CTNNA3: variants seen among roughly 807,000 people sequenced by gnomAD.
CTNNA3 encodes the protein catenin alpha-3.
In CTNNA3, 76 loss-of-function variants were observed where a neutral mutation model predicts 95.7. The ratio of observed to expected loss-of-function variants is 0.79; its 90% CI spans 0.66 to 0.96. CTNNA3 has a LOEUF of 0.96. Among genes scored for constraint, CTNNA3 ranks in the 40% least tolerant of loss-of-function variants. The probability of loss-of-function intolerance (pLI) is 0.00; values close to 1 mark genes in which losing one functional copy is unlikely to be tolerated. For synonymous variants in CTNNA3, 431 were observed against 374.4 expected (o/e 1.15, Z -1.74); for missense variants, 1,191 against 1,089.8 (o/e 1.09, Z -1.31).
At chr10:67,334,031 AG>A (rs1841894405) in intron 5 of CTNNA3, 2 of 152,334 alleles carry the variant, frequency 1.3e-5, no homozygotes, top group African/African-American at 4.8e-5. Context: ...CTTTAGTTAC[AG>A]TCTATAAAGC....
chr10:67,358,428 A>G (rs1035506826), intron 5 of CTNNA3, among the ~76,000 whole-genome samples: 5 of 152,116 alleles, frequency 3.3e-5, no homozygotes, highest in Non-Finnish European at 4.4e-5. Context: ...CTTTGCACAG[A>G]TCTTTTGAGA....
intron 13 of CTNNA3, among the ~76,000 whole-genome samples, chr10:66,249,919 A>G (rs1407161189): frequency 6.6e-6 from 1 of 152,210 alleles, no homozygotes; most frequent in East Asian, 1.9e-4. Flanking sequence ...AGGAATGGAA[A>G]TCAGGATGTT....
At chr10:67,071,649 T>A (rs1856471855) in intron 7 of CTNNA3, among the ~76,000 whole-genome samples, 1 of 152,280 alleles carries the variant, frequency 6.6e-6, no homozygotes, top group African/African-American at 2.4e-5. Context: ...TGTGTGGCGG[T>A]CTTTCCAAAA....
At chr10:67,124,063 TAA>T (rs1454516876) in intron 7 of CTNNA3, among the ~76,000 whole-genome samples, 1 of 152,096 alleles carries the variant, frequency 6.6e-6, no homozygotes, top group Non-Finnish European at 1.5e-5. Context: ...CCAGGAACTC[TAA>T]GGGTGGGGCC....
At chr10:66,508,208 C>CT (rs1564498973) in intron 11 of CTNNA3, among the ~76,000 whole-genome samples, 1 of 87,548 alleles carries the variant, frequency 1.1e-5, no homozygotes, top group African/African-American at 5.1e-5. Context: ...GTTTTGTTTT[C>CT]TGTTTTTTTT....
At chr10:67,006,212 A>G (rs367898459) in intron 7 of CTNNA3, among the ~76,000 whole-genome samples, 2 of 152,118 alleles carry the variant, frequency 1.3e-5, no homozygotes, top group East Asian at 3.9e-4. Flanking sequence ...GAAGTGGCAG[A>G]GTCAGGATTT....
chr10:66,159,626 GTTT>G (rs34684370), intron 13 of CTNNA3, among the ~76,000 whole-genome samples: 3 of 114,930 alleles, frequency 2.6e-5, no homozygotes, highest in Admixed American at 9.0e-5. Context: ...TTTGTTTTCT[GTTT>G]TTTTTTTTTT....
chr10:66,695,917 G>GGC (rs1554837116), intron 9 of CTNNA3, among the ~76,000 whole-genome samples: 60 of 4,092 alleles, frequency 0.015, 1 homozygote, highest in East Asian at 0.075. Flanking sequence ...AGAGACGTAA[G>GGC]GGGGGGGGGC....
At chr10:66,638,484 C>T (rs1845410384) in intron 9 of CTNNA3, among the ~76,000 whole-genome samples, 1 of 152,158 alleles carries the variant, frequency 6.6e-6, no homozygotes, top group Non-Finnish European at 1.5e-5. Context: ...CGGGGGCAGG[C>T]AATTATATTC....
chr10:67,103,929 GAAGTT>G (rs778172973), intron 7 of CTNNA3, among the ~76,000 whole-genome samples: 157 of 151,644 alleles, frequency 1.0e-3, no homozygotes, highest in Non-Finnish European at 7.8e-4. Context: ...ATATTTTCTT[GAAGTT>G]TTATACATGG....
At chr10:67,233,147 C>T (rs11527382) in intron 5 of CTNNA3, among the ~76,000 whole-genome samples, 14,381 of 149,010 alleles carry the variant, frequency 0.097, 731 homozygotes, top group East Asian at 0.14. Context: ...AACTCAGCTC[C>T]GCACCAAGCG....
At chr10:66,249,851 A>G (rs1428185104) in intron 13 of CTNNA3, among the ~76,000 whole-genome samples, 1 of 152,168 alleles carries the variant, frequency 6.6e-6, no homozygotes, top group Non-Finnish European at 1.5e-5. Context: ...AAACAAACAA[A>G]AACTAAAAAT....
chr10:67,617,142 A>T (rs1035005106), intron 2 of CTNNA3, among the ~76,000 whole-genome samples: 1 of 152,242 alleles, frequency 6.6e-6, no homozygotes, highest in African/African-American at 2.4e-5. Context: ...TCAGAAGTAC[A>T]TGTGTAGGTT....
intron 5 of CTNNA3, among the ~76,000 whole-genome samples, chr10:67,372,947 G>A (rs1843536821): frequency 6.6e-6 from 1 of 152,104 alleles, no homozygotes; most frequent in South Asian, 2.1e-4. Context: ...GTCACCACCA[G>A]GCCTGCCCTA....
chr10:67,661,527 G>C (rs1171368796), intron 1 of CTNNA3, among the ~76,000 whole-genome samples: 4 of 152,088 alleles, frequency 2.6e-5, no homozygotes, highest in Non-Finnish European at 5.9e-5. Flanking sequence ...AACACCAAAA[G>C]CATGATCCAT....
At chr10:67,185,421 C>T (rs973546541) in intron 6 of CTNNA3, among the ~76,000 whole-genome samples, 23 of 151,990 alleles carry the variant, frequency 1.5e-4, no homozygotes, top group Admixed American at 3.3e-4. Flanking sequence ...CCATCACGGC[C>T]GGCCTTTTTT....
intron 9 of CTNNA3, among the ~76,000 whole-genome samples, chr10:66,752,735 AG>A (rs1457371600): frequency 1.2e-4 from 19 of 152,198 alleles, no homozygotes; most frequent in Non-Finnish European, 7.3e-5. Flanking sequence ...ATACAAAATA[AG>A]AAAATAGGGC....
intron 10 of CTNNA3, among the ~76,000 whole-genome samples, chr10:66,618,812 C>T (rs1041996073): frequency 1.3e-5 from 2 of 152,068 alleles, no homozygotes; most frequent in African/African-American, 4.8e-5. Context: ...ACCTACTCAT[C>T]TGACAAAGGG....
Position 66,350,681 on chromosome 10 carries a change from G to A in CTNNA3, c.1732+28471C>T, listed in dbSNP as rs367996621. Reference sequence around the variant, plus strand: ...AATGCTTATTTTCCTCTTATTTCAGGGCAACACATGACAGAATCAATGTCA... The same window carrying A: ...AATGCTTATTTTCCTCTTATTTCAGAGCAACACATGACAGAATCAATGTCA... On this transcript the variant is annotated intron_variant, in intron 12 of 17. Transcript: ENST00000433211. Among the ~76,000 whole-genome samples the A allele has an allele frequency of 4.0e-4, 61 of 151,742 alleles. 1 individual carries two copies. The South Asian group carries it at 0.012, about 31-fold the overall frequency.
Sources: gnomAD v4.1 joint callset for allele counts (sites outside exome capture counted in the v4.1 genomes callset) on GRCh38, gnomAD v4.1.1 for gene constraint, MANE v1.5 for transcripts, NCBI Gene and HGNC (gene_info 2026-07-23, HGNC 2026-07-21) for gene names.